Variants in CYP1B1 observed in about 807,000 individuals in gnomAD.
CYP1B1 encodes the protein cytochrome P450 1B1.
A neutral mutation model predicts 29.9 loss-of-function variants in CYP1B1; 22 were observed. The observed-to-expected ratio is 0.74, with a 90% CI of 0.53 to 1.05. The LOEUF (loss-of-function observed/expected upper bound fraction) is 1.05, where lower values mean the gene tolerates loss of function less well. Ranked by LOEUF, CYP1B1 falls within the 50% of genes least tolerant of loss-of-function variation. The pLI is 0.00. For synonymous variants in CYP1B1, 375 were observed against 320.0 expected, an observed-to-expected ratio of 1.17 and a Z score of -1.83; for missense variants, 883 against 746.9, an observed-to-expected ratio of 1.18 and a Z score of -2.12.
Position 38,071,271 on chromosome 2 carries a change from A to ATCCAATT in CYP1B1, c.1076_1082dup (p.Asp361GlufsTer16). ...GCAGACGGTCCCTCCCCACGACCTGATCCAATTCTGCCTGCACTCGAGTCT... is the reference window on the plus strand; with the variant it reads ...GCAGACGGTCCCTCCCCACGACCTGATCCAATTTCCAATTCTGCCTGCACTCGAGTCT... On this transcript the variant is annotated frameshift_variant, in exon 3 of 3. Transcript: ENST00000610745. LOFTEE classifies it high-confidence loss of function. The ATCCAATT allele has an allele frequency of 1.2e-6, 2 of 1,613,044 alleles. No individual in the cohort carries two copies. Among genetic ancestry groups the ATCCAATT allele is most frequent in the Non-Finnish European group, 1.7e-6 (2 of 1,180,030 alleles).
In CYP1B1 at chr2:38,071,079, C is replaced by G; in HGVS notation, c.1275G>C (p.Trp425Cys). The G allele has an allele frequency of 1.2e-6, 2 of 1,612,866 alleles. No homozygotes were observed. Among genetic ancestry groups the G allele is most frequent in the Non-Finnish European group, 1.7e-6 (2 of 1,178,920 alleles). Residue 425 changes from tryptophan to cysteine, a missense_variant, in exon 3 of 3, where the codon TGG (tryptophan) becomes TGC (cysteine). Trp to Cys is a radical substitution (Grantham distance 215). Coordinates refer to ENST00000610745, the MANE Select transcript of CYP1B1 (RefSeq NM_000104.4). ...PKDTVVFVNQWSVNHDPLKWP... is the reference protein window; with the variant it reads ...PKDTVVFVNQCSVNHDPLKWP... Reference sequence around the variant, plus strand: ...ACTTCAGTGGGTCATGATTCACAGACCACTGGTTGACAAAAACCACAGTGT... The same window carrying G: ...ACTTCAGTGGGTCATGATTCACAGAGCACTGGTTGACAAAAACCACAGTGT...
rs973495853 is a variant in CYP1B1, at chr2:38,069,495, C to A, written c.*1227G>T. ...AAAATTTAGTTAAAATTTAAGCATG[C>A]CATGAATTTGGAATTTTAATATATT... On this transcript the variant is annotated 3_prime_UTR_variant, in exon 3 of 3. Coordinates refer to ENST00000610745, the MANE Select transcript of CYP1B1 (RefSeq NM_000104.4). 1 of 199,554 alleles carries A rather than the reference C, an allele frequency of 5.0e-6. No individual in the cohort carries two copies. Among genetic ancestry groups the A allele is most frequent in the African/African-American group, 2.3e-5 (1 of 43,418 alleles). The allele number at this position is 199,554 out of a possible 1,614,324, so 12.4% of individuals were successfully genotyped here. A position where few individuals can be genotyped will look rare whatever the true frequency, so the allele number is the denominator to read the frequency against.
At position 38,068,379 on chromosome 2, in the gene CYP1B1, C is replaced by T. The variant is rs143355830; in HGVS notation, c.*2343G>A. The T allele has an allele frequency of 4.5e-4, 103 of 227,892 alleles. No individual in the cohort carries two copies. The highest frequency in any genetic ancestry group is 2.2e-3 in the African/African-American group (98 of 45,112). The allele number at this position is 227,892 out of a possible 1,614,324, so 14.1% of individuals were successfully genotyped here. A position where few individuals can be genotyped will look rare whatever the true frequency, so the allele number is the denominator to read the frequency against. On this transcript the variant is annotated 3_prime_UTR_variant, in exon 3 of 3. Transcript: ENST00000610745. ...AACACAGCTTTCCTTTTGCCGCAAGCATCTGATGACGACTGGGCCTACATA... is the reference window on the plus strand; with the variant it reads ...AACACAGCTTTCCTTTTGCCGCAAGTATCTGATGACGACTGGGCCTACATA...
rs1682494131 is a variant in CYP1B1 at position 38,074,682 on chromosome 2, C to G, written c.707G>C (p.Gly236Ala). The change falls in exon 2 of 3, where the codon GGC (glycine) becomes GCC (alanine). Residue 236 changes from glycine to alanine, a missense_variant. By Grantham distance (60) the Gly-to-Ala change is moderately conservative. Transcript: ENST00000610745. ...SHNEEFGRTV[G>A]AGSLVDVMPW... is the part of the protein sequence containing the mutation. ...CATCACGTCCACCAGGCTGCCCGCG[C>G]CCACCGTGCGCCCGAACTCTTCGTT... 6.2e-7 allele frequency: 1 copy of G among 1,612,758 alleles called. No individual in the cohort carries two copies. The highest frequency in any genetic ancestry group is 8.5e-7 in the Non-Finnish European group (1 of 1,179,970).
At position 38,074,806 on chromosome 2, in the gene CYP1B1, G is replaced by A. The variant is rs1207273617; in HGVS notation, c.583C>T (p.Pro195Ser). 2 of 1,578,728 alleles carry A rather than the reference G, an allele frequency of 1.3e-6. No homozygotes were observed. Among genetic ancestry groups the A allele is most frequent in the Admixed American group, 3.6e-5 (2 of 55,394 alleles). ...TTGGCCACGGCCACGACGGTCAGCGGCCTCGGGTCGAGGAAGGCGCCGTCC... is the reference window on the plus strand; with the variant it reads ...TTGGCCACGGCCACGACGGTCAGCGACCTCGGGTCGAGGAAGGCGCCGTCC... Reference protein sequence around the residue: ...SADGAFLDPRPLTVVAVANVM... With the variant: ...SADGAFLDPRSLTVVAVANVM... Residue 195 changes from proline (P) to serine (S), a missense_variant, in exon 2 of 3, where the codon CCG becomes TCG. By Grantham distance (74) the Pro-to-Ser change is moderately conservative (BLOSUM62 -1). Transcript: ENST00000610745.
chr2:38,074,626 G>C lies in CYP1B1; in HGVS notation c.763C>G (p.Arg255Gly). ...PWLQYFPNPVRTVFREFEQLN... is the reference protein window; with the variant it reads ...PWLQYFPNPVGTVFREFEQLN... ...TGCTCGAATTCGCGGAAAACGGTGC[G>C]CACCGGGTTGGGGAAGTACTGCAGC... The change falls in exon 2 of 3, where the codon CGC (arginine) becomes GGC (glycine). Residue 255 changes from arginine to glycine, a missense_variant. By Grantham distance (125) the Arg-to-Gly change is moderately radical. Transcript: ENST00000610745. 4 of 1,613,592 alleles carry C rather than the reference G, an allele frequency of 2.5e-6. No homozygotes were observed. Among genetic ancestry groups the C allele is most frequent in the Middle Eastern group, 1.6e-4 (1 of 6,062 alleles).
At chr2:38,075,603 G>A in intron 1 of CYP1B1, 177 bp downstream of exon 1, 1 of 604,600 alleles carries the variant, frequency 1.7e-6, no homozygotes, top group East Asian at 2.8e-5. Context: ...CTGTAACCCA[G>A]CGCCAAACCC....
rs111636652 is a variant in CYP1B1, at chr2:38,074,947, C to T, written c.442G>A (p.Ala148Thr). ...SEHWKVQRRA[A>T]HSMMRNFFTR... ...AAGAAGTTGCGCATCATGCTGTGGG[C>T]TGCGCGCCGCTGCACCTTCCAGTGC... is the stretch of plus-strand genomic sequence containing the variant. Residue 148 changes from alanine to threonine, a missense_variant, in exon 2 of 3, where the codon GCC becomes ACC. Coordinates refer to ENST00000610745, the MANE Select transcript of CYP1B1 (RefSeq NM_000104.4). The T allele has an allele frequency of 2.6e-6, 4 of 1,566,442 alleles. No homozygotes were observed. The highest frequency in any genetic ancestry group is 2.7e-5 in the African/African-American group (2 of 74,274).
rs1252758565 is a variant in CYP1B1, at chr2:38,068,419, A to G, written c.*2303T>C. On this transcript the variant is annotated 3_prime_UTR_variant, in exon 3 of 3. Coordinates refer to ENST00000610745, the MANE Select transcript of CYP1B1 (RefSeq NM_000104.4). ...GGGCCTACATACGTAAAAACAGATTATAGCACATCTGGACCTGGTTGACAT... is the reference window on the plus strand; with the variant it reads ...GGGCCTACATACGTAAAAACAGATTGTAGCACATCTGGACCTGGTTGACAT... 1.8e-5 allele frequency: 4 copies of G among 227,448 alleles called. No homozygotes were observed. The highest frequency in any genetic ancestry group is 3.5e-5 in the Non-Finnish European group (4 of 114,240). The allele number at this position is 227,448 out of a possible 1,614,324, so 14.1% of individuals were successfully genotyped here. A position where few individuals can be genotyped will look rare whatever the true frequency, so the allele number is the denominator to read the frequency against.
At position 38,074,329 on chromosome 2, in the gene CYP1B1, C is replaced by G; in HGVS notation, c.1043+17G>C. ...CAGAGGAGAAAAGACCTGGCCCACG[C>G]CTCCCAGAGGCTTTACCTGGTGAAG... On this transcript the variant is annotated intron_variant, in intron 2 of 2. Coordinates refer to ENST00000610745, the MANE Select transcript of CYP1B1 (RefSeq NM_000104.4). The G allele has an allele frequency of 6.2e-7, 1 of 1,612,356 alleles. No homozygotes were observed. The highest frequency in any genetic ancestry group is 8.5e-7 in the Non-Finnish European group (1 of 1,179,692).
Position 38,075,150 on chromosome 2 carries a change from C to A in CYP1B1, c.239G>T (p.Arg80Leu), listed in dbSNP as rs899277811. ...GCGGATCTGGAAAACGTCGCCGTAGCGCCGCGCCAGGCGAGCGAACGAGAG... is the reference window on the plus strand; with the variant it reads ...GCGGATCTGGAAAACGTCGCCGTAGAGCCGCGCCAGGCGAGCGAACGAGAG... The part of the protein sequence containing the change: ...AHLSFARLAR[R>L]YGDVFQIRLG... The change falls in exon 2 of 3, where the codon CGC becomes CTC. Residue 80 changes from arginine to leucine, a missense_variant. Physicochemically the swap from Arg to Leu is moderately radical, Grantham distance 102. Coordinates refer to ENST00000610745, the MANE Select transcript of CYP1B1 (RefSeq NM_000104.4). 2 of 1,574,318 alleles carry A rather than the reference C, an allele frequency of 1.3e-6. No homozygotes were observed. Among genetic ancestry groups the A allele is most frequent in the South Asian group, 1.1e-5 (1 of 88,232 alleles).
At position 38,068,483 on chromosome 2, in the gene CYP1B1, C is replaced by G. The variant is rs550772059; in HGVS notation, c.*2239G>C. The G allele has an allele frequency of 3.6e-5, 8 of 224,932 alleles. No homozygotes were observed. In the South Asian group the frequency reaches 1.5e-3, roughly 41 times the overall value. 13.9% of individuals were successfully genotyped at this position (224,932 alleles called of 1,614,324 possible). On this transcript the variant is annotated 3_prime_UTR_variant, in exon 3 of 3. Transcript: ENST00000610745. ...GATTGGTTCATGATTATTTTTGCAGCTACACATTTCTCAATCTAAAAAAAT... is the reference window on the plus strand; with the variant it reads ...GATTGGTTCATGATTATTTTTGCAGGTACACATTTCTCAATCTAAAAAAAT...
In CYP1B1 at chr2:38,068,814, C is replaced by T. The variant is rs34544682; in HGVS notation, c.*1908G>A. The stretch of plus-strand genomic sequence containing the variant: ...AACATCTTTCTTCTAAATGTCCATG[C>T]TTTGAATTTTGTGCTCCAAATTAAT... On this transcript the variant is annotated 3_prime_UTR_variant, in exon 3 of 3. Coordinates refer to ENST00000610745, the MANE Select transcript of CYP1B1 (RefSeq NM_000104.4). The T allele has an allele frequency of 1.4e-3, 322 of 226,120 alleles. No individual in the cohort carries two copies. Among genetic ancestry groups the T allele is most frequent in the South Asian group, 4.9e-3 (27 of 5,472 alleles). The allele number at this position is 226,120 out of a possible 1,614,324, so 14.0% of individuals were successfully genotyped here.
Position 38,074,802 on chromosome 2 carries a change from A to T in CYP1B1, c.587T>A (p.Leu196Gln). 1 of 1,581,640 alleles carries T rather than the reference A, an allele frequency of 6.3e-7. No homozygotes were observed. Among genetic ancestry groups the T allele is most frequent in the Non-Finnish European group, 8.6e-7 (1 of 1,164,152 alleles). Reference sequence around the variant, plus strand: ...GACGTTGGCCACGGCCACGACGGTCAGCGGCCTCGGGTCGAGGAAGGCGCC... The same window carrying T: ...GACGTTGGCCACGGCCACGACGGTCTGCGGCCTCGGGTCGAGGAAGGCGCC... ...ADGAFLDPRP[L>Q]TVVAVANVMS... Residue 196 changes from leucine (L) to glutamine (Q), a missense_variant, in exon 2 of 3, where the codon CTG becomes CAG. By Grantham distance (113) the Leu-to-Gln change is moderately radical. Coordinates refer to ENST00000610745, the MANE Select transcript of CYP1B1 (RefSeq NM_000104.4).
In CYP1B1 at chr2:38,071,274, C is replaced by T. The variant is rs1351415184; in HGVS notation, c.1080G>A (p.Leu360=). The T allele has an allele frequency of 6.2e-7, 1 of 1,613,032 alleles. No homozygotes were observed. Among genetic ancestry groups the T allele is most frequent in the East Asian group, 2.2e-5 (1 of 44,880 alleles). The change falls in exon 3 of 3, where the codon TTG becomes TTA. Residue 360 remains leucine, a synonymous_variant. Coordinates refer to ENST00000610745, the MANE Select transcript of CYP1B1 (RefSeq NM_000104.4). ...GACGGTCCCTCCCCACGACCTGATC[C>T]AATTCTGCCTGCACTCGAGTCTGCA... ...PDVQTRVQAE[L]DQVVGRDRLP...
In CYP1B1 at chr2:38,071,211, G is replaced by A; in HGVS notation, c.1143C>T (p.Val381=). The change falls in exon 3 of 3, where the codon GTC becomes GTT. Residue 381 remains valine, a synonymous_variant. Coordinates refer to ENST00000610745, the MANE Select transcript of CYP1B1 (RefSeq NM_000104.4). ...GCATGGCTTCATAAAGGAAGGCCAG[G>A]ACATAGGGCAGGTTGGGCTGGTCAC... is the stretch of plus-strand genomic sequence containing the variant. The part of the protein sequence containing the change: ...CMGDQPNLPY[V]LAFLYEAMRF... 6.2e-7 allele frequency: 1 copy of A among 1,613,428 alleles called. No homozygotes were observed. The highest frequency in any genetic ancestry group is 8.5e-7 in the Non-Finnish European group (1 of 1,180,042).
Position 38,068,438 on chromosome 2 carries a change from T to G in CYP1B1, c.*2284A>C, listed in dbSNP as rs1573269570. The G allele has an allele frequency of 4.4e-6, 1 of 226,620 alleles. No homozygotes were observed. The highest frequency in any genetic ancestry group is 8.8e-6 in the Non-Finnish European group (1 of 113,744). 14.0% of individuals were successfully genotyped at this position (226,620 alleles called of 1,614,324 possible). ...CAGATTATAGCACATCTGGACCTGG[T>G]TGACATAATGAGGCATCCAGATTGG... On this transcript the variant is annotated 3_prime_UTR_variant, in exon 3 of 3. Transcript: ENST00000610745.
At position 38,074,360 on chromosome 2, in the gene CYP1B1, G is replaced by A. The variant is rs747529058; in HGVS notation, c.1029C>T (p.Leu343=). 6 of 1,613,398 alleles carry A rather than the reference G, an allele frequency of 3.7e-6. No homozygotes were observed. The highest frequency in any genetic ancestry group is 5.1e-6 in the Non-Finnish European group (6 of 1,179,978). The change falls in exon 2 of 3, where the codon CTC becomes CTT. Residue 343 remains leucine (L), a synonymous_variant. Coordinates refer to ENST00000610745, the MANE Select transcript of CYP1B1 (RefSeq NM_000104.4). Reference sequence around the variant, plus strand: ...AGAGGCTTTACCTGGTGAAGAGGAGGAGCAGCCACTGCAGCGCGGTGGACA... The same window carrying A: ...AGAGGCTTTACCTGGTGAAGAGGAGAAGCAGCCACTGCAGCGCGGTGGACA... ...DTLSTALQWL[L]LLFTRYPDVQ...
At position 38,070,175 on chromosome 2, in the gene CYP1B1, G is replaced by A. The variant is rs990367341; in HGVS notation, c.*547C>T. 4.4e-6 allele frequency: 1 copy of A among 226,724 alleles called. No homozygotes were observed. Among genetic ancestry groups the A allele is most frequent in the African/African-American group, 2.2e-5 (1 of 44,708 alleles). The allele number at this position is 226,724 out of a possible 1,614,324, so 14.0% of individuals were successfully genotyped here. A position where few individuals can be genotyped will look rare whatever the true frequency, so the allele number is the denominator to read the frequency against. On this transcript the variant is annotated 3_prime_UTR_variant, in exon 3 of 3. Transcript: ENST00000610745. ...ATACTAGAGTCTAAGTTATTTTCCTGAAAAGGTGAAAAGGGAATTTCTGGT... is the reference window on the plus strand; with the variant it reads ...ATACTAGAGTCTAAGTTATTTTCCTAAAAAGGTGAAAAGGGAATTTCTGGT...
Sources: gnomAD v4.1 joint callset for allele counts on GRCh38, gnomAD v4.1.1 for gene constraint, MANE v1.5 for transcripts, NCBI Gene and HGNC (gene_info 2026-07-23, HGNC 2026-07-21) for gene names.